Variants in NEGR1 observed in about 807,000 individuals in gnomAD.
The protein encoded by NEGR1 is neuronal growth regulator 1, also known as IgLON family member 4.
In NEGR1, 10 loss-of-function variants were observed where a neutral mutation model predicts 40.9. That is an observed-to-expected ratio of 0.24 (90% CI 0.15 to 0.42). NEGR1 has a LOEUF of 0.42. NEGR1 is among the 10% of genes least tolerant of loss of function. The pLI is 1.00. For synonymous variants in NEGR1, 185 were observed against 166.8 expected, an observed-to-expected ratio of 1.11 and a Z score of -0.84; for missense variants, 352 against 438.9, an observed-to-expected ratio of 0.80 and a Z score of 1.77.
At chr1:71,731,963 T>G (rs1654887055) in intron 3 of NEGR1, among the ~76,000 whole-genome samples, 1 of 152,162 alleles carries the variant, frequency 6.6e-6, no homozygotes, top group Non-Finnish European at 1.5e-5. Context: ...AGATACTAAT[T>G]GACTCAAATT....
At position 72,054,924 on chromosome 1, in the gene NEGR1, G is replaced by T. The variant is rs1315167325; in HGVS notation, c.177-119613C>A. The stretch of plus-strand genomic sequence containing the variant: ...GCAGAAACTGCTAATTATCCTGGGG[G>T]ATCAAAGGGATGATATTTCATGTGC... On this transcript the variant is annotated intron_variant, in intron 1 of 6. Coordinates refer to ENST00000357731, the MANE Select transcript of NEGR1 (RefSeq NM_173808.3). 2.0e-5 allele frequency among the ~76,000 whole-genome samples: 3 copies of T among 150,978 alleles called. No homozygotes were observed. The Admixed American group carries it at 2.0e-4, about 10-fold the overall frequency.
At chr1:72,108,231 T>C (rs1649211973) in intron 1 of NEGR1, among the ~76,000 whole-genome samples, 2 of 151,708 alleles carry the variant, frequency 1.3e-5, no homozygotes, top group Admixed American at 1.3e-4. Flanking sequence ...ATTCAGATTT[T>C]CTGATTTTTA....
At chr1:71,755,005 C>T (rs1407612441) in intron 3 of NEGR1, among the ~76,000 whole-genome samples, 2 of 152,292 alleles carry the variant, frequency 1.3e-5, no homozygotes, top group South Asian at 4.1e-4. Context: ...GTCCTGACCT[C>T]TTCCTTGAGA....
chr1:72,049,823 T>A (rs1476021985), intron 1 of NEGR1, among the ~76,000 whole-genome samples: 1 of 151,602 alleles, frequency 6.6e-6, no homozygotes, highest in Non-Finnish European at 1.5e-5. Context: ...ATTATTTCGC[T>A]CTATAAATCA....
In NEGR1 at chr1:72,035,518, C is replaced by T. The variant is rs1463497152; in HGVS notation, c.177-100207G>A. 2.0e-5 allele frequency among the ~76,000 whole-genome samples: 3 copies of T among 152,144 alleles called. No homozygotes were observed. In the East Asian group the frequency reaches 5.8e-4, roughly 29 times the overall value. On this transcript the variant is annotated intron_variant, in intron 1 of 6. Transcript: ENST00000357731. ...ACAGCTACTAAACATGGCATTCAGA[C>T]TCAAAAGCTTAAGTTTTAGACTTTG...
At chr1:71,685,740 T>C (rs953564111) in intron 4 of NEGR1, among the ~76,000 whole-genome samples, 3 of 152,220 alleles carry the variant, frequency 2.0e-5, no homozygotes, top group Non-Finnish European at 4.4e-5. Context: ...ATTCTTCTAT[T>C]CACCTAAATC....
intron 1 of NEGR1, among the ~76,000 whole-genome samples, chr1:72,138,206 T>G (rs1348689409): frequency 6.6e-6 from 1 of 152,158 alleles, no homozygotes; most frequent in Non-Finnish European, 1.5e-5. Flanking sequence ...ATGCACATTT[T>G]ATTTTAGTTC....
chr1:71,844,088 A>G (rs1411979494), intron 2 of NEGR1, among the ~76,000 whole-genome samples: 1 of 152,176 alleles, frequency 6.6e-6, no homozygotes, highest in Non-Finnish European at 1.5e-5. Context: ...CAGAGGGAAT[A>G]AAATTAGGTT....
chr1:72,024,060 C>G (rs3102907), intron 1 of NEGR1, among the ~76,000 whole-genome samples: 37,331 of 151,870 alleles, frequency 0.25, 6,427 homozygotes, highest in African/African-American at 0.49. Context: ...TAACTTAGCT[C>G]TAATATAAAA....
intron 3 of NEGR1, among the ~76,000 whole-genome samples, chr1:71,711,677 T>G (rs1369484461): frequency 6.6e-6 from 1 of 152,140 alleles, no homozygotes; most frequent in Non-Finnish European, 1.5e-5. Flanking sequence ...TTTCAACAAC[T>G]GTGTGAATGA....
At chr1:71,957,520 T>C (rs1342886032) in intron 1 of NEGR1, among the ~76,000 whole-genome samples, 1 of 152,194 alleles carries the variant, frequency 6.6e-6, no homozygotes. Context: ...ATAAATTTTT[T>C]GAAAATGTAT....
At chr1:72,016,345 C>T (rs1023807898) in intron 1 of NEGR1, among the ~76,000 whole-genome samples, 32 of 152,008 alleles carry the variant, frequency 2.1e-4, no homozygotes, top group African/African-American at 6.8e-4. Context: ...GACAGAGAAG[C>T]TAAGGATTAG....
At chr1:71,765,629 C>T (rs2101705464) in intron 3 of NEGR1, among the ~76,000 whole-genome samples, 1 of 152,076 alleles carries the variant, frequency 6.6e-6, no homozygotes, top group South Asian at 2.1e-4. Flanking sequence ...TGTTTCTGTC[C>T]CATTATGACA....
At chr1:71,558,542 C>T (rs1195870279) in intron 6 of NEGR1, among the ~76,000 whole-genome samples, 1 of 151,328 alleles carries the variant, frequency 6.6e-6, no homozygotes, top group Non-Finnish European at 1.5e-5. Context: ...TAATTTATAT[C>T]AGTATGGACT....
chr1:72,082,395 A>G (rs1648039902), intron 1 of NEGR1, among the ~76,000 whole-genome samples: 1 of 152,152 alleles, frequency 6.6e-6, no homozygotes, highest in African/African-American at 2.4e-5. Context: ...ATTTTTATGA[A>G]TATATTAACT....
chr1:71,416,041 G>A (rs1243809109), intron 6 of NEGR1, among the ~76,000 whole-genome samples: 2 of 152,146 alleles, frequency 1.3e-5, no homozygotes, highest in Non-Finnish European at 2.9e-5. Context: ...GCATCATTTA[G>A]TTGAAGAAAA....
chr1:71,921,812 T>C (rs1645723367), intron 2 of NEGR1, among the ~76,000 whole-genome samples: 1 of 151,226 alleles, frequency 6.6e-6, no homozygotes, highest in Admixed American at 6.6e-5. Context: ...ATGTATGTTA[T>C]TGGTAAGGCT....
At position 72,169,176 on chromosome 1, in the gene NEGR1, A is replaced by T. The variant is rs188406759; in HGVS notation, c.176+113143T>A. Among the ~76,000 whole-genome samples, 29 of 152,306 alleles carry T rather than the reference A, an allele frequency of 1.9e-4. No individual in the cohort carries two copies. In the East Asian group the frequency reaches 5.0e-3, roughly 26 times the overall value. ...AGGAGTCAGATATCCATACATATTC[A>T]ATAGCTCATTATCAGCAAAGGATAT... On this transcript the variant is annotated intron_variant, in intron 1 of 6. Transcript: ENST00000357731.
chr1:71,884,531 T>C (rs1219120711), intron 2 of NEGR1, among the ~76,000 whole-genome samples: 1 of 152,162 alleles, frequency 6.6e-6, no homozygotes, highest in Admixed American at 6.5e-5. Context: ...AATTTGAAAA[T>C]TGAAGGGATG....
Sources: allele counts gnomAD v4.1 joint callset (sites outside exome capture counted in the v4.1 genomes callset), GRCh38; gene constraint gnomAD v4.1.1; transcripts MANE v1.5; gene names NCBI Gene and HGNC (gene_info 2026-07-23, HGNC 2026-07-21).